Variants in PLSCR2 observed in about 807,000 individuals in gnomAD.
PLSCR2 encodes the protein phospholipid scramblase 2.
A neutral mutation model predicts 25.3 loss-of-function variants in PLSCR2; 18 were observed. The ratio of observed to expected loss-of-function variants is 0.71; its 90% CI spans 0.49 to 1.06. The LOEUF (loss-of-function observed/expected upper bound fraction) is 1.06. Ranked by LOEUF, PLSCR2 falls within the 50% of genes least tolerant of loss-of-function variation. PLSCR2 has a pLI of 0.00. For synonymous variants in PLSCR2, 88 were observed against 87.3 expected (o/e 1.01, Z -0.04); for missense variants, 243 against 269.5 (o/e 0.90, Z 0.69).
intron 1 of PLSCR2, among the ~76,000 whole-genome samples, chr3:146,477,088 C>T (rs901234262): frequency 6.6e-6 from 1 of 152,206 alleles, no homozygotes; most frequent in Admixed American, 6.5e-5. Context: ...CACCAGACAC[C>T]TTATACCAGA....
chr3:146,405,137 T>G (rs1182404832), intron 2 of PLSCR2, among the ~76,000 whole-genome samples: 1 of 152,004 alleles, frequency 6.6e-6, no homozygotes, highest in South Asian at 2.1e-4. Flanking sequence ...TAGATTTTCT[T>G]TTATACTTTG....
downstream of PLSCR2, chr3:146,441,662 TGTAA>T: frequency 1.6e-6 from 1 of 640,850 alleles, no homozygotes; most frequent in Non-Finnish European, 2.8e-6. Context: ...CTCACACAGG[TGTAA>T]GTAATTTAAA....
intron 8 of PLSCR2, among the ~76,000 whole-genome samples, chr3:146,434,654 C>T (rs926816905): frequency 3.3e-5 from 5 of 151,810 alleles, no homozygotes; most frequent in African/African-American, 1.2e-4. Context: ...CAAATGGAAA[C>T]AAATGATTTT....
At chr3:146,466,794 G>A (rs567144224) in intron 1 of PLSCR2, among the ~76,000 whole-genome samples, 18 of 152,130 alleles carry the variant, frequency 1.2e-4, no homozygotes, top group African/African-American at 4.3e-4. Flanking sequence ...CATGATTCAT[G>A]TCCATTGCAT....
chr3:146,450,498 T>A (rs950784573), intron 5 of PLSCR2, among the ~76,000 whole-genome samples: 4 of 152,256 alleles, frequency 2.6e-5, no homozygotes, highest in Admixed American at 2.0e-4. Context: ...TATTTCTTCA[T>A]AATTAGGCTT....
intron 1 of PLSCR2, among the ~76,000 whole-genome samples, chr3:146,466,256 T>A (rs552013731): frequency 1.3e-5 from 2 of 152,304 alleles, no homozygotes; most frequent in African/African-American, 4.8e-5. Context: ...CTGCAACCTC[T>A]GCCTCCTAGG....
chr3:146,453,107 C>A (rs1021830231), intron 5 of PLSCR2, among the ~76,000 whole-genome samples: 6 of 151,890 alleles, frequency 4.0e-5, no homozygotes, highest in African/African-American at 1.5e-4. Context: ...TTTATATAAC[C>A]AAATTCTAAT....
At chr3:146,456,491 T>A (rs1048400244) in intron 3 of PLSCR2, among the ~76,000 whole-genome samples, 4 of 152,200 alleles carry the variant, frequency 2.6e-5, no homozygotes, top group African/African-American at 9.6e-5. Flanking sequence ...AAAAATTGAT[T>A]CCTCTGTGGT....
chr3:146,400,445 A>G (rs577611522), intron 2 of PLSCR2, among the ~76,000 whole-genome samples: 1 of 151,632 alleles, frequency 6.6e-6, no homozygotes, highest in East Asian at 1.9e-4. Flanking sequence ...TGTAAGACCT[A>G]AGTACTGAAA....
intron 2 of PLSCR2, among the ~76,000 whole-genome samples, chr3:146,422,449 G>A (rs1421637402): frequency 6.6e-6 from 1 of 151,990 alleles, no homozygotes; most frequent in African/African-American, 2.4e-5. Flanking sequence ...GAAATTCCTG[G>A]TAAATAGAGA....
intron 2 of PLSCR2, among the ~76,000 whole-genome samples, chr3:146,409,243 G>A (rs2038762541): frequency 6.6e-6 from 1 of 152,144 alleles, no homozygotes; most frequent in African/African-American, 2.4e-5. Context: ...TTCCTCTACA[G>A]TCAAGAGGCA....
chr3:146,472,948 C>CAG (rs2042166419), intron 1 of PLSCR2, among the ~76,000 whole-genome samples: 1 of 152,214 alleles, frequency 6.6e-6, no homozygotes, highest in South Asian at 2.1e-4. Context: ...CCTCACATGG[C>CAG]AGAGAGAGAA....
At chr3:146,427,424 G>T (rs2039394153) in intron 2 of PLSCR2, among the ~76,000 whole-genome samples, 1 of 152,068 alleles carries the variant, frequency 6.6e-6, no homozygotes, top group Non-Finnish European at 1.5e-5. Flanking sequence ...TCTAGGAAAG[G>T]CTGTCCAGTC....
chr3:146,485,268 C>T (rs147929292), intron 1 of PLSCR2, among the ~76,000 whole-genome samples: 30 of 152,196 alleles, frequency 2.0e-4, no homozygotes, highest in African/African-American at 7.0e-4. Flanking sequence ...AATATATATG[C>T]GCCCAATACA....
chr3:146,448,520 G>C (rs770143284), intron 6 of PLSCR2, among the ~76,000 whole-genome samples: 5 of 152,156 alleles, frequency 3.3e-5, no homozygotes, highest in Non-Finnish European at 7.4e-5. Flanking sequence ...TGAGGAGTTT[G>C]AAAGTTACCC....
At chr3:146,488,565 A>G (rs143294148) in intron 1 of PLSCR2, among the ~76,000 whole-genome samples, 5 of 152,312 alleles carry the variant, frequency 3.3e-5, no homozygotes, top group African/African-American at 9.6e-5. Context: ...GCCAGCAAAC[A>G]TGAAAAAAAG....
At chr3:146,476,104 G>A (rs1485994364) in intron 1 of PLSCR2, among the ~76,000 whole-genome samples, 2 of 151,854 alleles carry the variant, frequency 1.3e-5, no homozygotes, top group Non-Finnish European at 1.5e-5. Flanking sequence ...GGTGCACTGG[G>A]CCAAGAAGGC....
chr3:146,422,047 C>T (rs1188994222), intron 2 of PLSCR2, among the ~76,000 whole-genome samples: 2 of 152,040 alleles, frequency 1.3e-5, no homozygotes, highest in Non-Finnish European at 2.9e-5. Flanking sequence ...ACAAAGCTCT[C>T]AGAGACATAC....
rs562555566 is a variant in PLSCR2 at position 146,435,243 on chromosome 3, T to G, written c.*35-1726A>C. On this transcript the variant is annotated intron_variant, in intron 8 of 8. Transcript: ENST00000336685. ...GCCACAATAAACATATGTGTGCATG[T>G]GTCTTTATAGCAGCATGATTTATAA... 2.3e-3 allele frequency among the ~76,000 whole-genome samples: 344 copies of G among 152,338 alleles called. 1 individual carries two copies. The highest frequency in any genetic ancestry group is 7.4e-3 in the African/African-American group (307 of 41,574).
Sources: gnomAD v4.1 joint callset for allele counts (sites outside exome capture counted in the v4.1 genomes callset) on GRCh38, gnomAD v4.1.1 for gene constraint, MANE v1.5 for transcripts, NCBI Gene and HGNC (gene_info 2026-07-23, HGNC 2026-07-21) for gene names.